The following EPB41L4A variants were observed in gnomAD, a reference collection of about 807,000 sequenced individuals.
The protein encoded by EPB41L4A is erythrocyte membrane protein band 4.1 like 4A, also known as band 4.1-like protein 4A.
Under a neutral mutation model 108.6 loss-of-function variants are expected in EPB41L4A, and 100 were observed. That is an observed-to-expected ratio of 0.92 (90% CI 0.78 to 1.09). The LOEUF is 1.09. Ranked by LOEUF, EPB41L4A falls within the 50% of genes least tolerant of loss-of-function variation. The pLI, the probability that EPB41L4A is intolerant of heterozygous loss-of-function variation, is 0.00. For synonymous variants in EPB41L4A, 319 were observed against 289.0 expected, an observed-to-expected ratio of 1.10 and a Z score of -1.05; for missense variants, 1,030 against 842.7, an observed-to-expected ratio of 1.22 and a Z score of -2.75.
intron 1 of EPB41L4A, among the ~76,000 whole-genome samples, chr5:112,327,883 T>G (rs963114048): frequency 6.6e-6 from 1 of 152,212 alleles, no homozygotes; most frequent in South Asian, 2.1e-4. Context: ...CCATTCTTCA[T>G]GTTCACTGCA....
At chr5:112,264,718 A>G in intron 6 of EPB41L4A, 178 bp downstream of exon 6, 1 of 553,958 alleles carries the variant, frequency 1.8e-6, no homozygotes, top group Non-Finnish European at 2.9e-6. Context: ...ACACTTTTTA[A>G]ATTACTGAAG....
intron 1 of EPB41L4A, among the ~76,000 whole-genome samples, chr5:112,360,615 G>A (rs556864135): frequency 2.6e-5 from 4 of 152,170 alleles, no homozygotes; most frequent in South Asian, 2.1e-4. Flanking sequence ...CGTGATCTCG[G>A]CTCGCTACAA....
At chr5:112,157,860 C>G (rs532979273), downstream of EPB41L4A, among the ~76,000 whole-genome samples, 5 of 152,350 alleles carry the variant, frequency 3.3e-5, no homozygotes, top group South Asian at 1.0e-3. Flanking sequence ...GGTTGCTTCA[C>G]ATTTGCACTA....
At chr5:112,416,749 A>G (rs983892610) in intron 1 of EPB41L4A, among the ~76,000 whole-genome samples, 1 of 152,198 alleles carries the variant, frequency 6.6e-6, no homozygotes. Flanking sequence ...ATAATACAGG[A>G]AGGTTAGGAA....
At chr5:112,209,388 GC>G (rs767436609) in intron 13 of EPB41L4A, among the ~76,000 whole-genome samples, 1 of 152,240 alleles carries the variant, frequency 6.6e-6, no homozygotes, top group Non-Finnish European at 1.5e-5. Context: ...ACTGGGGAAT[GC>G]CCCCTGGGAA....
chr5:112,298,168 ATGG>A (rs1209223916), intron 2 of EPB41L4A, among the ~76,000 whole-genome samples: 1 of 152,024 alleles, frequency 6.6e-6, no homozygotes, highest in Non-Finnish European at 1.5e-5. Context: ...GTGAAGAATG[ATGG>A]TGGTATTTTG....
At chr5:112,142,412 G>T (rs547781127), downstream of EPB41L4A, 2 of 152,212 alleles carry the variant, frequency 1.3e-5, no homozygotes, top group South Asian at 4.1e-4. Context: ...ATAGCATCTG[G>T]TAATTCAAAT....
chr5:112,241,174 C>G (rs1253417775), intron 9 of EPB41L4A, among the ~76,000 whole-genome samples: 1 of 152,088 alleles, frequency 6.6e-6, no homozygotes, highest in Non-Finnish European at 1.5e-5. Context: ...AAAAAAGATG[C>G]CCACAAATCC....
chr5:112,211,515 G>C (rs144670305), intron 12 of EPB41L4A, among the ~76,000 whole-genome samples: 55 of 151,996 alleles, frequency 3.6e-4, no homozygotes, highest in African/African-American at 1.3e-3. Context: ...TGGGACCCGG[G>C]AGGTGGAGGT....
chr5:112,280,467 C>T, intron 2 of EPB41L4A, 144 bp from the exon 3 acceptor site: 1 of 718,862 alleles, frequency 1.4e-6, no homozygotes, highest in Non-Finnish European at 2.4e-6. Context: ...CACAAACATA[C>T]ATAAGAGTTT....
chr5:112,165,011 G>A lies in EPB41L4A; in HGVS notation c.2040C>T (p.Ser680=). 1 of 1,613,678 alleles carries A rather than the reference G, an allele frequency of 6.2e-7. No homozygotes were observed. The highest frequency in any genetic ancestry group is 8.5e-7 in the Non-Finnish European group (1 of 1,179,884). Residue 680 remains serine, a synonymous_variant, in exon 23 of 23, where the codon TCC becomes TCT. Coordinates refer to ENST00000261486, the MANE Select transcript of EPB41L4A (RefSeq NM_022140.5). The part of the protein sequence containing the change: ...TAKTIKTIQA[S]RLKTET The stretch of plus-strand genomic sequence containing the variant: ...AGGATCAAGTCTCTGTCTTGAGGCG[G>A]GAAGCTTGTATAGTTTTTATTGTTT...
chr5:112,251,781 A>C (rs551087994), intron 9 of EPB41L4A, among the ~76,000 whole-genome samples: 1 of 152,310 alleles, frequency 6.6e-6, no homozygotes, highest in South Asian at 2.1e-4. Context: ...GGGAGCTATA[A>C]CCAAAAACAA....
intron 3 of EPB41L4A, among the ~76,000 whole-genome samples, chr5:112,277,100 C>A (rs1046494600): frequency 6.6e-6 from 1 of 152,112 alleles, no homozygotes; most frequent in Non-Finnish European, 1.5e-5. Context: ...GCCAGGAAGT[C>A]CACCCTCAGC....
upstream of EPB41L4A, chr5:112,419,708 G>A (rs768078385): frequency 1.2e-4 from 53 of 456,608 alleles, 1 homozygote; most frequent in South Asian, 7.7e-4. Context: ...TCCCCCAGCC[G>A]CAAGCGCCGA....
intron 1 of EPB41L4A, among the ~76,000 whole-genome samples, chr5:112,307,841 T>C (rs1484613869): frequency 6.6e-6 from 1 of 152,148 alleles, no homozygotes; most frequent in Non-Finnish European, 1.5e-5. Context: ...AAACACTTTG[T>C]TTAAAAATCC....
chr5:112,318,523 G>A (rs959260000), intron 1 of EPB41L4A, among the ~76,000 whole-genome samples: 4 of 152,154 alleles, frequency 2.6e-5, no homozygotes, highest in African/African-American at 9.7e-5. Flanking sequence ...TAAGGCATCA[G>A]GCCTGTGAAT....
chr5:112,410,828 G>A (rs1158338875), intron 1 of EPB41L4A, among the ~76,000 whole-genome samples: 1 of 152,134 alleles, frequency 6.6e-6, no homozygotes, highest in African/African-American at 2.4e-5. Flanking sequence ...AGAAAAGACT[G>A]TCTCTATTAC....
rs765379643 is a variant in EPB41L4A at position 112,264,904 on chromosome 5, T to G, written c.546A>C (p.Lys182Asn). The G allele has an allele frequency of 6.2e-7, 1 of 1,611,288 alleles. No individual in the cohort carries two copies. The highest frequency in any genetic ancestry group is 1.3e-5 in the African/African-American group (1 of 74,820). ...ELEEAIERIH[K>N]TLMGQIPSEA... ...GGTGTAATGATTCTTACATTAGAGT[T>G]TTATGAATCCTTTCTATGGCTTCTT... Residue 182 changes from lysine to asparagine, a missense_variant, in exon 6 of 23, where the codon AAA becomes AAC. Lys to Asn is a moderately conservative substitution (Grantham distance 94, BLOSUM62 0). Coordinates refer to ENST00000261486, the MANE Select transcript of EPB41L4A (RefSeq NM_022140.5).
chr5:112,339,491 T>G (rs1459622935), intron 1 of EPB41L4A, among the ~76,000 whole-genome samples: 19 of 93,036 alleles, frequency 2.0e-4, no homozygotes, highest in Non-Finnish European at 3.9e-4. Flanking sequence ...TATATATATA[T>G]ATATCTATAT....
Sources: allele counts gnomAD v4.1 joint callset (sites outside exome capture counted in the v4.1 genomes callset), GRCh38; gene constraint gnomAD v4.1.1; transcripts MANE v1.5; gene names NCBI Gene and HGNC (gene_info 2026-07-23, HGNC 2026-07-21).